The following ZNF318 variants were observed in gnomAD, a reference collection of about 807,000 sequenced individuals.
ZNF318 encodes zinc finger protein 318, also known as endocrine regulator.
In ZNF318, 51 loss-of-function variants were observed where a neutral mutation model predicts 124.2. The ratio of observed to expected loss-of-function variants is 0.41; its 90% CI spans 0.33 to 0.52. The LOEUF (loss-of-function observed/expected upper bound fraction) is 0.52, where lower values mean the gene tolerates loss of function less well. ZNF318 is among the 20% of genes least tolerant of loss of function. The pLI is 0.23. For missense variants in ZNF318, 2,815 were observed against 2,811.2 expected (o/e 1.00, Z -0.03); for synonymous variants, 1,090 against 1,040.7 (o/e 1.05, Z -0.91).
intron 4 of ZNF318, among the ~76,000 whole-genome samples, chr6:43,354,169 G>T (rs1272125293): frequency 6.6e-6 from 1 of 152,002 alleles, no homozygotes. Flanking sequence ...GTTACTCCTG[G>T]ACTCTAAGAT....
At chr6:43,346,524 C>CAAAAAAAAAAAA (rs59587962) in intron 6 of ZNF318, among the ~76,000 whole-genome samples, 2 of 104,580 alleles carry the variant, frequency 1.9e-5, no homozygotes, top group Admixed American at 1.1e-4. Flanking sequence ...CATCTTTAAC[C>CAAAAAAAAAAAA]AAAAAAAAAA....
intron 4 of ZNF318, among the ~76,000 whole-genome samples, chr6:43,353,591 G>A (rs2150753814): frequency 6.6e-6 from 1 of 152,130 alleles, no homozygotes; most frequent in South Asian, 2.1e-4. Context: ...AGCCAGGATG[G>A]TCTTGATCTT....
chr6:43,340,628 G>T, intron 9 of ZNF318, 126 bp from the exon 10 acceptor site: 1 of 1,505,186 alleles, frequency 6.6e-7, no homozygotes, highest in Non-Finnish European at 8.8e-7. Flanking sequence ...GGACATACGG[G>T]ATGCTATCTG....
At chr6:43,366,871 T>C (rs4618521) in intron 1 of ZNF318, among the ~76,000 whole-genome samples, 5 of 152,182 alleles carry the variant, frequency 3.3e-5, no homozygotes, top group South Asian at 2.1e-4. Flanking sequence ...TTTTGTTTTG[T>C]TTGAGACTTG....
Position 43,338,511 on chromosome 6 carries a change from T to C in ZNF318, c.5487A>G (p.Leu1829=), listed in dbSNP as rs997734130. 3 of 1,614,224 alleles carry C rather than the reference T, an allele frequency of 1.9e-6. No individual in the cohort carries two copies. Among genetic ancestry groups the C allele is most frequent in the Non-Finnish European group, 2.5e-6 (3 of 1,180,030 alleles). The part of the protein sequence containing the change: ...WEGEVKQPNL[L]MIDKEAEQSN... ...ACTGTTCAGCCTCTTTGTCAATCAT[T>C]AGCAAGTTGGGCTGTTTTACTTCTC... Residue 1829 remains leucine (L), a synonymous_variant, in exon 10 of 10, where the codon CTA becomes CTG. Transcript: ENST00000361428.
At chr6:43,350,327 C>T (rs1001965515) in intron 5 of ZNF318, among the ~76,000 whole-genome samples, 1 of 152,150 alleles carries the variant, frequency 6.6e-6, no homozygotes, top group Non-Finnish European at 1.5e-5. Context: ...CAGGAGCTAA[C>T]TCACAGGGGG....
chr6:43,344,624 CT>C (rs1358508205), intron 6 of ZNF318, among the ~76,000 whole-genome samples: 2 of 152,070 alleles, frequency 1.3e-5, no homozygotes, highest in African/African-American at 4.8e-5. Flanking sequence ...ATCCTGTTTT[CT>C]TTTTTTAGGC....
Position 43,355,364 on chromosome 6 carries a change from C to G in ZNF318, c.1970G>C (p.Cys657Ser), listed in dbSNP as rs752814100. 55 of 1,614,128 alleles carry G rather than the reference C, an allele frequency of 3.4e-5. No homozygotes were observed. In the East Asian group the frequency reaches 1.2e-3, roughly 36 times the overall value. ...TGAGAAGCAGTGGTCAACTGAGGAA[C>G]AGCGGTCAGCTGAGAAGCGGTGGTC... ...SVDHRFSADR[C>S]SSVDHCFSAD... The change falls in exon 4 of 10, where the codon TGT becomes TCT. Residue 657 changes from cysteine to serine, a missense_variant. Cys to Ser is a moderately radical substitution (Grantham distance 112, BLOSUM62 -1). Transcript: ENST00000361428.
At chr6:43,353,915 G>T (rs568029561) in intron 4 of ZNF318, among the ~76,000 whole-genome samples, 7 of 151,994 alleles carry the variant, frequency 4.6e-5, no homozygotes, top group Admixed American at 2.0e-4. Context: ...ACAGGCTGGG[G>T]ACCCAATGAA....
At chr6:43,348,666 T>G (rs766806132) in intron 5 of ZNF318, 41 bp from the exon 6 acceptor site, 2 of 1,592,228 alleles carry the variant, frequency 1.3e-6, no homozygotes, top group South Asian at 2.2e-5. Flanking sequence ...ACAGGGAAAA[T>G]AAGACGAGTC....
At chr6:43,363,674 C>T in intron 2 of ZNF318, 1 of 546,954 alleles carries the variant, frequency 1.8e-6, no homozygotes, top group South Asian at 2.2e-5. Context: ...TTCTTCCTGC[C>T]CATCAAGGAA....
At chr6:43,353,008 T>C (rs746613983) in intron 4 of ZNF318, among the ~76,000 whole-genome samples, 1 of 152,230 alleles carries the variant, frequency 6.6e-6, no homozygotes, top group Non-Finnish European at 1.5e-5. Context: ...CTAAAGCTCA[T>C]GATCTTTCAA....
intron 5 of ZNF318, 140 bp from the exon 6 acceptor site, chr6:43,348,765 G>T: frequency 1.0e-6 from 1 of 992,306 alleles, no homozygotes; most frequent in Non-Finnish European, 1.4e-6. Flanking sequence ...TAGGCGTGGT[G>T]GCTCATGCCT....
chr6:43,346,548 A>AAGAC (rs1779449606), intron 6 of ZNF318, among the ~76,000 whole-genome samples: 1 of 123,342 alleles, frequency 8.1e-6, no homozygotes, highest in Non-Finnish European at 1.7e-5. Flanking sequence ...AAAAAAAAGC[A>AAGAC]GCTCTCATTT....
At position 43,369,525 on chromosome 6, in the gene ZNF318, G is replaced by T. The variant is rs1457873715; in HGVS notation, c.-160C>A. On this transcript the variant is annotated 5_prime_UTR_variant, in exon 1 of 10. Coordinates refer to ENST00000361428, the MANE Select transcript of ZNF318 (RefSeq NM_014345.3). ...CTCCCCTCGGCCCCGCGTCGCCCCG[G>T]GGGCCCGGCCGAGCGCGCCCCCGCG... 1 of 414,064 alleles carries T rather than the reference G, an allele frequency of 2.4e-6. No homozygotes were observed. The highest frequency in any genetic ancestry group is 3.3e-6 in the Non-Finnish European group (1 of 307,154). The allele number at this position is 414,064 out of a possible 1,614,324, so 25.6% of individuals were successfully genotyped here. A position where few individuals can be genotyped will look rare whatever the true frequency, so the allele number is the denominator to read the frequency against.
intron 2 of ZNF318, among the ~76,000 whole-genome samples, chr6:43,358,815 C>G (rs1001315310): frequency 9.2e-5 from 14 of 152,160 alleles, no homozygotes; most frequent in African/African-American, 3.4e-4. Context: ...CTCAGCCTCC[C>G]AAACTGCTGG....
chr6:43,336,146 C>T lies in ZNF318; in HGVS notation c.*1012G>A, dbSNP rs777058673. The T allele has an allele frequency of 6.6e-6, 1 of 152,570 alleles. No homozygotes were observed. Among genetic ancestry groups the T allele is most frequent in the Non-Finnish European group, 1.5e-5 (1 of 68,020 alleles). 9.5% of individuals were successfully genotyped at this position (152,570 alleles called of 1,614,324 possible). The stretch of plus-strand genomic sequence containing the variant: ...ACTTGTCCAAGCCAACTCATAAATT[C>T]TTTAATCTTTTTAACAAAATATACA... On this transcript the variant is annotated 3_prime_UTR_variant, in exon 10 of 10. Transcript: ENST00000361428.
chr6:43,364,485 A>G (rs1029675767), intron 2 of ZNF318, among the ~76,000 whole-genome samples: 1 of 152,202 alleles, frequency 6.6e-6, no homozygotes, highest in Non-Finnish European at 1.5e-5. Context: ...ACGGCAAGCG[A>G]CAGTCTCAGT....
At chr6:43,353,655 T>C (rs1206591157) in intron 4 of ZNF318, among the ~76,000 whole-genome samples, 2 of 152,216 alleles carry the variant, frequency 1.3e-5, no homozygotes, top group African/African-American at 2.4e-5. Context: ...ATTACAGGCA[T>C]GAGCCACCAC....
Sources: allele counts gnomAD v4.1 joint callset (sites outside exome capture counted in the v4.1 genomes callset), GRCh38; gene constraint gnomAD v4.1.1; transcripts MANE v1.5; gene names NCBI Gene and HGNC (gene_info 2026-07-23, HGNC 2026-07-21).